The following TPGS2 variants were observed in gnomAD, a reference collection of about 807,000 sequenced individuals.
TPGS2 encodes tubulin polyglutamylase complex subunit 2, also known as polyglutamylase subunit 2.
TPGS2 carries 26 observed loss-of-function variants against 31.1 expected under a neutral mutation model. The observed-to-expected ratio is 0.84, with a 90% CI of 0.61 to 1.16. The LOEUF is 1.16. Among genes scored for constraint, TPGS2 ranks in the 50% most tolerant of loss-of-function variants. The pLI is 0.00. For missense variants in TPGS2, 351 were observed against 363.8 expected (o/e 0.96, Z 0.29); for synonymous variants, 130 against 136.6 (o/e 0.95, Z 0.34).
chr18:36,808,564 G>A (rs2045276037), intron 2 of TPGS2, among the ~76,000 whole-genome samples: 1 of 152,030 alleles, frequency 6.6e-6, no homozygotes, highest in Admixed American at 6.6e-5. Context: ...CATGAACCTG[G>A]GAGGCGGAGC....
rs956726393 is a variant in TPGS2, at chr18:36,794,233, T to C, written c.*2572A>G. 1.0e-6 allele frequency: 1 copy of C among 962,826 alleles called. No individual in the cohort carries two copies. The highest frequency in any genetic ancestry group is 1.8e-5 in the African/African-American group (1 of 56,776). 59.6% of individuals were successfully genotyped at this position (962,826 alleles called of 1,614,324 possible). On this transcript the variant is annotated 3_prime_UTR_variant, in exon 7 of 7. Coordinates refer to ENST00000334295, the MANE Select transcript of TPGS2 (RefSeq NM_015476.4). ...CATTACATTTTAGTACCTGTAAAGG[T>C]AATGTTTTCCTGCTGTTTGCACAAA...
downstream of TPGS2, among the ~76,000 whole-genome samples, chr18:36,780,751 T>C (rs1262976182): frequency 1.3e-5 from 2 of 152,100 alleles, no homozygotes; most frequent in Admixed American, 6.5e-5. Context: ...TACCTAAACA[T>C]AGAAAAGGTA....
intron 2 of TPGS2, among the ~76,000 whole-genome samples, chr18:36,810,649 G>C (rs975512791): frequency 2.6e-5 from 4 of 152,300 alleles, no homozygotes; most frequent in South Asian, 2.1e-4. Context: ...ATTGCATCAA[G>C]ATGGTATCTG....
chr18:36,823,609 C>T (rs557810049), intron 1 of TPGS2, among the ~76,000 whole-genome samples: 1 of 150,968 alleles, frequency 6.6e-6, no homozygotes, highest in African/African-American at 2.4e-5. Context: ...TACAGGCGCC[C>T]GCTACCACGC....
chr18:36,801,270 A>C (rs1293519057), intron 4 of TPGS2, among the ~76,000 whole-genome samples: 6 of 152,252 alleles, frequency 3.9e-5, no homozygotes, highest in Non-Finnish European at 7.3e-5. Flanking sequence ...CCAGGGAGAC[A>C]GACTGGAAGT....
intron 2 of TPGS2, among the ~76,000 whole-genome samples, chr18:36,808,496 G>A (rs1285349334): frequency 6.6e-6 from 1 of 152,018 alleles, no homozygotes; most frequent in East Asian, 1.9e-4. Context: ...AAATTAGCAG[G>A]GTGTGGTGGC....
intron 3 of TPGS2, 60 bp downstream of exon 3, chr18:36,807,787 G>T: frequency 6.6e-7 from 1 of 1,526,286 alleles, no homozygotes. Flanking sequence ...AGGGCCCTCA[G>T]AGTTGTCCCA....
At chr18:36,800,006 A>G (rs2044725017) in intron 5 of TPGS2, among the ~76,000 whole-genome samples, 192 bp downstream of exon 5, 1 of 152,216 alleles carries the variant, frequency 6.6e-6, no homozygotes, top group Admixed American at 6.5e-5. Flanking sequence ...AAGATGGATA[A>G]AAGGACTAAT....
chr18:36,795,718 A>G lies in TPGS2; in HGVS notation c.*1087T>C. 1.0e-6 allele frequency: 1 copy of G among 985,462 alleles called. No homozygotes were observed. The highest frequency in any genetic ancestry group is 1.2e-6 in the Non-Finnish European group (1 of 829,946). 61.0% of individuals were successfully genotyped at this position (985,462 alleles called of 1,614,324 possible). A position where few individuals can be genotyped will look rare whatever the true frequency, so the allele number is the denominator to read the frequency against. On this transcript the variant is annotated 3_prime_UTR_variant, in exon 7 of 7. Coordinates refer to ENST00000334295, the MANE Select transcript of TPGS2 (RefSeq NM_015476.4). ...ATGTCAATGGGAAAATGATTTCTGA[A>G]TTACAGGCAACTTGCTTCCAAAGGA...
chr18:36,825,452 A>C (rs1162004748), intron 1 of TPGS2, among the ~76,000 whole-genome samples: 1 of 151,970 alleles, frequency 6.6e-6, no homozygotes, highest in Non-Finnish European at 1.5e-5. Flanking sequence ...AAAAAAAAAA[A>C]AATCAATGAA....
At chr18:36,809,710 C>T (rs17680901) in intron 2 of TPGS2, among the ~76,000 whole-genome samples, 5,073 of 152,200 alleles carry the variant, frequency 0.033, 108 homozygotes, top group East Asian at 0.077. Flanking sequence ...CTCCTCTCGT[C>T]GCCCCAAAAG....
rs571278400 is a variant in TPGS2 at position 36,786,191 on chromosome 18, C to A, written c.658-3060G>T. Among the ~76,000 whole-genome samples, 10 of 152,226 alleles carry A rather than the reference C, an allele frequency of 6.6e-5. No homozygotes were observed. The East Asian group carries it at 1.9e-3, about 30-fold the overall frequency. On this transcript the variant is annotated intron_variant, in intron 6 of 6. Transcript: ENST00000587129. ...AGGAGAAAGTTACAGAAATAAATGTCTTGTCCAATCAAAGCATGGTTATGG... is the reference window on the plus strand; with the variant it reads ...AGGAGAAAGTTACAGAAATAAATGTATTGTCCAATCAAAGCATGGTTATGG...
intron 4 of TPGS2, 86 bp from the exon 5 acceptor site, chr18:36,800,397 A>G (rs1227813904): frequency 1.8e-6 from 2 of 1,133,482 alleles, no homozygotes; most frequent in Non-Finnish European, 2.6e-6. Context: ...GGTGGAAAAA[A>G]CAGAAGGAAA....
At chr18:36,808,896 T>C (rs1483031021) in intron 2 of TPGS2, among the ~76,000 whole-genome samples, 1 of 152,140 alleles carries the variant, frequency 6.6e-6, no homozygotes, top group Admixed American at 6.5e-5. Flanking sequence ...CTCAAATCCC[T>C]GGAATGTGCA....
At chr18:36,825,418 C>G (rs1450963375) in intron 1 of TPGS2, among the ~76,000 whole-genome samples, 3 of 128,010 alleles carry the variant, frequency 2.3e-5, no homozygotes, top group Non-Finnish European at 4.6e-5. Flanking sequence ...GGCGACAGAG[C>G]GAGACTCCGT....
chr18:36,810,838 A>G (rs1248806556), intron 2 of TPGS2, among the ~76,000 whole-genome samples: 2 of 152,184 alleles, frequency 1.3e-5, no homozygotes, highest in Non-Finnish European at 2.9e-5. Context: ...GGGAGCTATC[A>G]ACAAGATTCC....
At chr18:36,820,029 G>T (rs188753493) in intron 1 of TPGS2, among the ~76,000 whole-genome samples, 1 of 152,294 alleles carries the variant, frequency 6.6e-6, no homozygotes, top group African/African-American at 2.4e-5. Flanking sequence ...ATCATTTTAT[G>T]TGGTTCACTG....
intron 2 of TPGS2, among the ~76,000 whole-genome samples, chr18:36,811,975 G>T (rs987124715): frequency 3.3e-5 from 5 of 152,106 alleles, no homozygotes; most frequent in Admixed American, 1.3e-4. Flanking sequence ...AGAACCTCCT[G>T]CAATTACTGC....
intron 6 of TPGS2, chr18:36,786,955 ACT>A: frequency 8.1e-7 from 1 of 1,233,814 alleles, no homozygotes. Flanking sequence ...CATGCTGCTG[ACT>A]CTTTGCTTGT....
Sources: allele counts gnomAD v4.1 joint callset (sites outside exome capture counted in the v4.1 genomes callset), GRCh38; gene constraint gnomAD v4.1.1; transcripts MANE v1.5; gene names NCBI Gene and HGNC (gene_info 2026-07-23, HGNC 2026-07-21).